Variants in PTER observed in about 807,000 individuals in gnomAD.
The protein encoded by PTER is N-acetyltaurine hydrolase.
Under a neutral mutation model 29.6 loss-of-function variants are expected in PTER, and 38 were observed. The ratio of observed to expected loss-of-function variants is 1.28; its 90% CI spans 0.99 to 1.68. PTER has a LOEUF of 1.68. Ranked by LOEUF, PTER falls within the 40% of genes most tolerant of loss-of-function variation. The pLI is 0.00. For synonymous variants in PTER, 172 were observed against 154.5 expected (o/e 1.11, Z -0.84); for missense variants, 482 against 427.8 (o/e 1.13, Z -1.12).
chr10:16,514,243 T>C, downstream of PTER: 1 of 440,298 alleles, frequency 2.3e-6, no homozygotes, highest in Non-Finnish European at 4.0e-6. Flanking sequence ...CTTAGATTTG[T>C]CTATAAAAAT....
Position 16,450,426 on chromosome 10 carries a change from A to G in PTER, c.-49+13379A>G, listed in dbSNP as rs140877021. Among the ~76,000 whole-genome samples, 25 of 152,284 alleles carry G rather than the reference A, an allele frequency of 1.6e-4. 1 individual carries two copies. The East Asian group carries it at 4.6e-3, about 28-fold the overall frequency. On this transcript the variant is annotated intron_variant, in intron 1 of 4. Transcript: ENST00000535784. ...ATGGGGAAGCTGTTTCCTCTGGTTA[A>G]AGAAAATAAAAAGGCTCATAAGAGT...
intron 1 of PTER, among the ~76,000 whole-genome samples, chr10:16,461,708 A>G (rs1303391986): frequency 6.6e-6 from 1 of 152,112 alleles, no homozygotes; most frequent in African/African-American, 2.4e-5. Flanking sequence ...CTCTAGAGCA[A>G]TTTTTCTCAA....
Position 16,482,402 on chromosome 10 carries a change from C to T in PTER, c.-48-1935C>T, listed in dbSNP as rs114085497. The stretch of plus-strand genomic sequence containing the variant: ...CTGAAAAGAAATAATCTAGGATATA[C>T]GTGAATAGTTCCTAGAATTCGCAAA... On this transcript the variant is annotated intron_variant, in intron 1 of 4. Transcript: ENST00000535784. Among the ~76,000 whole-genome samples the T allele has an allele frequency of 7.7e-3, 1,167 of 152,222 alleles. 16 individuals carry two copies. Among genetic ancestry groups the T allele is most frequent in the African/African-American group, 0.027 (1,109 of 41,544 alleles).
At position 16,478,391 on chromosome 10, in the gene PTER, T is replaced by C. The variant is rs547527607; in HGVS notation, c.-48-5946T>C. On this transcript the variant is annotated intron_variant, in intron 1 of 4. Coordinates refer to ENST00000535784, the MANE Select transcript of PTER (RefSeq NM_001261836.2). The stretch of plus-strand genomic sequence containing the variant: ...TCTTGTTGCCCAGGCTGGAGTGCAA[T>C]GGCACGATTTTGGCTCACTGCAACC... Among the ~76,000 whole-genome samples the C allele has an allele frequency of 2.0e-5, 3 of 147,518 alleles. No individual in the cohort carries two copies. The East Asian group carries it at 6.5e-4, about 32-fold the overall frequency.
chr10:16,497,476 G>A (rs1347444253), intron 3 of PTER, among the ~76,000 whole-genome samples: 4 of 151,998 alleles, frequency 2.6e-5, no homozygotes, highest in Non-Finnish European at 2.9e-5. Flanking sequence ...TTTCTTATTC[G>A]TGTCTATATT....
chr10:16,504,631 A>G (rs893604276), intron 3 of PTER, among the ~76,000 whole-genome samples: 6 of 152,168 alleles, frequency 3.9e-5, no homozygotes, highest in Admixed American at 6.5e-5. Context: ...TTCCTTTAAT[A>G]GTTTTCACAG....
intron 1 of PTER, among the ~76,000 whole-genome samples, chr10:16,464,593 G>A (rs1015172176): frequency 5.9e-5 from 9 of 152,236 alleles, no homozygotes; most frequent in Middle Eastern, 3.4e-3. Flanking sequence ...CCTTGTGTCA[G>A]TATTTTTCAC....
chr10:16,453,673 A>G (rs750321475), intron 1 of PTER, among the ~76,000 whole-genome samples: 1 of 152,242 alleles, frequency 6.6e-6, no homozygotes, highest in Non-Finnish European at 1.5e-5. Context: ...GGTTCATTTA[A>G]GTATGGTTTG....
intron 3 of PTER, among the ~76,000 whole-genome samples, chr10:16,500,315 C>A (rs1210548016): frequency 6.6e-6 from 1 of 151,866 alleles, no homozygotes; most frequent in Non-Finnish European, 1.5e-5. Flanking sequence ...AGCAGTGCGA[C>A]CATAGCTCGC....
chr10:16,481,599 G>A lies in PTER; in HGVS notation c.-48-2738G>A, dbSNP rs1835483219. On this transcript the variant is annotated intron_variant, in intron 1 of 4. Coordinates refer to ENST00000535784, the MANE Select transcript of PTER (RefSeq NM_001261836.2). Reference sequence around the variant, plus strand: ...ATCATAGGAAGTGCCAGCCAGTTCTGCCTGAGAGCATTAGAGGAATCTCCC... The same window carrying A: ...ATCATAGGAAGTGCCAGCCAGTTCTACCTGAGAGCATTAGAGGAATCTCCC... Among the ~76,000 whole-genome samples, 2 of 152,170 alleles carry A rather than the reference G, an allele frequency of 1.3e-5. 1 individual carries two copies.
intron 3 of PTER, among the ~76,000 whole-genome samples, chr10:16,494,701 ACATATTTTTAAT>A (rs1836025732): frequency 6.6e-6 from 1 of 152,246 alleles, no homozygotes; most frequent in Admixed American, 6.5e-5. Flanking sequence ...GTAGCAAATT[ACATATTTTTAAT>A]CATAGGCAAT....
chr10:16,458,225 CT>C lies in PTER; in HGVS notation c.-49+21189del, dbSNP rs200637234. Reference sequence around the variant, plus strand: ...TGAAATGTTTTGCTGCTGCCCAGCACTTTTTTTTTTTAAGCTCTCATATCAC... The same window carrying C: ...TGAAATGTTTTGCTGCTGCCCAGCACTTTTTTTTTTAAGCTCTCATATCAC... On this transcript the variant is annotated intron_variant, in intron 1 of 4. Coordinates refer to ENST00000535784, the MANE Select transcript of PTER (RefSeq NM_001261836.2). Among the ~76,000 whole-genome samples, 90 of 146,908 alleles carry C rather than the reference CT, an allele frequency of 6.1e-4. 2 individuals are homozygous for C. Among genetic ancestry groups the C allele is most frequent in the East Asian group, 4.1e-3 (21 of 5,070 alleles).
intron 1 of PTER, among the ~76,000 whole-genome samples, chr10:16,441,503 CTT>C (rs1443919403): frequency 1.3e-5 from 2 of 152,074 alleles, no homozygotes; most frequent in African/African-American, 4.8e-5. Context: ...TGTGTTCACT[CTT>C]TTATTCTGAG....
At chr10:16,485,412 AC>A (rs1484346479) in intron 2 of PTER, among the ~76,000 whole-genome samples, 1 of 152,060 alleles carries the variant, frequency 6.6e-6, no homozygotes, top group Non-Finnish European at 1.5e-5. Context: ...AAGGTGCAAA[AC>A]CTTTTTTGCA....
intron 3 of PTER, among the ~76,000 whole-genome samples, chr10:16,497,062 G>GCC (rs1836137211): frequency 1.3e-5 from 2 of 151,534 alleles, no homozygotes; most frequent in African/African-American, 4.9e-5. Flanking sequence ...AGCCTCCCAA[G>GCC]TAGCTAGGAT....
rs200808288 is a variant in PTER, at chr10:16,484,730, G to A, written c.346G>A (p.Glu116Lys). 16 of 1,614,010 alleles carry A rather than the reference G, an allele frequency of 9.9e-6. No homozygotes were observed. The highest frequency in any genetic ancestry group is 1.6e-4 in the Middle Eastern group (1 of 6,082). ...ACAGACGTTGAAGAGGCTTGCAGAAGAGACTGGCGTCCATATCATATCTGG... is the reference window on the plus strand; with the variant it reads ...ACAGACGTTGAAGAGGCTTGCAGAAAAGACTGGCGTCCATATCATATCTGG... The part of the protein sequence containing the change: ...DTQTLKRLAE[E>K]TGVHIISGAG... The change falls in exon 2 of 5, where the codon GAG becomes AAG. Residue 116 changes from glutamate to lysine, a missense_variant. By Grantham distance (56) the Glu-to-Lys change is moderately conservative (BLOSUM62 1). Transcript: ENST00000535784.
intron 1 of PTER, among the ~76,000 whole-genome samples, chr10:16,464,552 C>G (rs1256275551): frequency 6.6e-6 from 1 of 152,194 alleles, no homozygotes; most frequent in Non-Finnish European, 1.5e-5. Flanking sequence ...TAATGATCGC[C>G]CTTATGTAGT....
chr10:16,490,157 C>A (rs1337874555), intron 3 of PTER, among the ~76,000 whole-genome samples: 1 of 152,142 alleles, frequency 6.6e-6, no homozygotes, highest in African/African-American at 2.4e-5. Context: ...TCCGCAGAAT[C>A]ATCTATCACA....
chr10:16,460,631 A>G (rs1424264104), intron 1 of PTER, among the ~76,000 whole-genome samples: 1 of 152,192 alleles, frequency 6.6e-6, no homozygotes, highest in African/African-American at 2.4e-5. Flanking sequence ...ATAATTTGAC[A>G]TTTTTTAGCA....
Sources: allele counts gnomAD v4.1 joint callset (sites outside exome capture counted in the v4.1 genomes callset), GRCh38; gene constraint gnomAD v4.1.1; transcripts MANE v1.5; gene names NCBI Gene and HGNC (gene_info 2026-07-23, HGNC 2026-07-21).